Variants in DCX observed in about 807,000 individuals in gnomAD.
The protein encoded by DCX is doublecortin.
A neutral mutation model predicts 20.9 loss-of-function variants in DCX; 4 were observed. That is an observed-to-expected ratio of 0.19 (90% CI 0.09 to 0.44). The LOEUF is 0.44. Among genes scored for constraint, DCX ranks in the 20% least tolerant of loss-of-function variants. The probability of loss-of-function intolerance (pLI) is 0.99; values close to 1 mark genes in which losing one functional copy is unlikely to be tolerated. For missense variants in DCX, 133 were observed against 296.9 expected (o/e 0.45, Z 4.06); for synonymous variants, 103 against 111.4 (o/e 0.92, Z 0.47).
intron 5 of DCX, among the ~76,000 whole-genome samples, chrX:111,315,935 C>CG (rs1243408920): frequency 2.4e-5 from 1 of 42,079 alleles, no homozygotes; most frequent in Non-Finnish European, 4.0e-5. Flanking sequence ...GTGGTGGGGT[C>CG]GGGGGAGGGG....
intron 5 of DCX, among the ~76,000 whole-genome samples, chrX:111,322,036 G>A (rs2095087876): frequency 8.9e-6 from 1 of 111,982 alleles, no homozygotes. Flanking sequence ...ATGTCATTTT[G>A]AAATATTGCT....
chrX:111,388,172 T>G (rs148920946), intron 3 of DCX, among the ~76,000 whole-genome samples: 3,387 of 111,718 alleles, frequency 0.03, 144 homozygotes, highest in African/African-American at 0.11. Flanking sequence ...TCTTACAACT[T>G]TGGGGGACTA....
intron 1 of DCX, chrX:111,411,049 A>G (rs1296402350): frequency 1.1e-6 from 1 of 938,464 alleles, no homozygotes; most frequent in Non-Finnish European, 1.5e-6. Context: ...TCTCCTTTAA[A>G]GGGACAGCCT....
intron 6 of DCX, among the ~76,000 whole-genome samples, chrX:111,303,662 G>C (rs2095038895): frequency 9.0e-6 from 1 of 111,525 alleles, no homozygotes; most frequent in Non-Finnish European, 1.9e-5. Flanking sequence ...TTGAGTATTG[G>C]TTTCTTTATC....
chrX:111,382,162 A>G (rs143259819), intron 3 of DCX, among the ~76,000 whole-genome samples: 3,386 of 111,716 alleles, frequency 0.03, 145 homozygotes, highest in African/African-American at 0.1. Flanking sequence ...TGAACCACAC[A>G]TTGAGGACCA....
intron 6 of DCX, among the ~76,000 whole-genome samples, chrX:111,306,295 G>GA (rs910972433): frequency 8.2e-5 from 9 of 110,309 alleles, no homozygotes; most frequent in South Asian, 3.7e-4. Flanking sequence ...ACTGATGTCA[G>GA]AAAAAAAATA....
chrX:111,325,570 G>A (rs1023033536), intron 5 of DCX, among the ~76,000 whole-genome samples: 1 of 112,288 alleles, frequency 8.9e-6, no homozygotes, highest in Non-Finnish European at 1.9e-5. Context: ...TCTAATTCAC[G>A]TAAAAAGATT....
intron 3 of DCX, among the ~76,000 whole-genome samples, chrX:111,335,012 T>C (rs1921594158): frequency 8.9e-6 from 1 of 111,784 alleles, no homozygotes; most frequent in Admixed American, 9.4e-5. Flanking sequence ...TACCAATATC[T>C]TGGACCTTGG....
Position 111,330,912 on chromosome X carries a change from T to G in DCX, c.938A>C (p.Asp313Ala). Residue 313 changes from aspartate (D) to alanine (A), a missense_variant, in exon 5 of 7, where the codon GAC becomes GCC. Transcript: ENST00000636035. ...RSKSPADSGN[D>A]QDANGTSSSQ... ...AGGAAAAGAGCACTCACCGTCTTGG[T>G]CGTTACCTGAGTCAGCTGGAGACTT... 1 of 1,211,826 alleles carries G rather than the reference T, an allele frequency of 8.3e-7. No homozygotes were observed. The highest frequency in any genetic ancestry group is 1.1e-6 in the Non-Finnish European group (1 of 895,418).
chrX:111,324,967 T>A (rs2095096190), intron 5 of DCX, among the ~76,000 whole-genome samples: 1 of 111,632 alleles, frequency 9.0e-6, no homozygotes, highest in Non-Finnish European at 1.9e-5. Context: ...CTTGCTCCAA[T>A]CATTTTCTAA....
At chrX:111,379,917 T>A (rs1360533730) in intron 3 of DCX, among the ~76,000 whole-genome samples, 1 of 111,593 alleles carries the variant, frequency 9.0e-6, no homozygotes, top group Non-Finnish European at 1.9e-5. Flanking sequence ...TGGTATCTCA[T>A]TGTAGTCTCG....
intron 1 of DCX, 124 bp from the exon 2 acceptor site, chrX:111,410,544 A>G: frequency 9.8e-7 from 1 of 1,017,172 alleles, no homozygotes; most frequent in African/African-American, 1.9e-5. Flanking sequence ...GCTTGTGAAA[A>G]GAACTGGTTG....
At chrX:111,358,663 A>G (rs1011398325) in intron 3 of DCX, among the ~76,000 whole-genome samples, 4 of 112,108 alleles carry the variant, frequency 3.6e-5, no homozygotes, top group Non-Finnish European at 7.5e-5. Context: ...AGTTTCCAAA[A>G]CAGAAGAAAA....
intron 3 of DCX, among the ~76,000 whole-genome samples, chrX:111,351,636 A>G (rs143952562): frequency 5.3e-5 from 6 of 112,196 alleles, no homozygotes; most frequent in African/African-American, 1.9e-4. Flanking sequence ...TAGGTATGAA[A>G]AAGCATTTGG....
rs2095025314 is a variant in DCX at position 111,297,966 on chromosome X, G to C, written c.*3721C>G. On this transcript the variant is annotated 3_prime_UTR_variant, in exon 7 of 7. Transcript: ENST00000636035. Reference sequence around the variant, plus strand: ...TTGTGGATGAGGGCAACCACAGTGAGACCAGGTTATTTTCTCTAGCTCATC... The same window carrying C: ...TTGTGGATGAGGGCAACCACAGTGACACCAGGTTATTTTCTCTAGCTCATC... 1 of 111,641 alleles carries C rather than the reference G, an allele frequency of 9.0e-6. No homozygotes were observed. The highest frequency in any genetic ancestry group is 1.9e-5 in the Non-Finnish European group (1 of 53,153). The allele number at this position is 111,641 out of a possible 1,213,427, so 9.2% of individuals were successfully genotyped here. A position where few individuals can be genotyped will look rare whatever the true frequency, so the allele number is the denominator to read the frequency against.
At chrX:111,369,747 T>C (rs1355228873) in intron 3 of DCX, among the ~76,000 whole-genome samples, 1 of 111,830 alleles carries the variant, frequency 8.9e-6, no homozygotes. Flanking sequence ...TAATTGATCT[T>C]GCTGCCATCC....
intron 3 of DCX, among the ~76,000 whole-genome samples, chrX:111,363,630 C>T (rs773930618): frequency 3.6e-5 from 4 of 110,868 alleles, no homozygotes; most frequent in Non-Finnish European, 7.6e-5. Context: ...CTACAAACCT[C>T]CTAGTTTCAA....
Position 111,301,430 on chromosome X carries a change from T to G in DCX, c.*257A>C. ...CATTGAAAGGTCATGGACTAGCACA[T>G]TTTGCATCCCTGGAATGCTGCCCCA... On this transcript the variant is annotated 3_prime_UTR_variant, in exon 7 of 7. Coordinates refer to ENST00000636035, the MANE Select transcript of DCX (RefSeq NM_001195553.2). 2.4e-6 allele frequency: 1 copy of G among 419,495 alleles called. No individual in the cohort carries two copies. Among genetic ancestry groups the G allele is most frequent in the African/African-American group, 2.5e-5 (1 of 40,564 alleles). 34.6% of individuals were successfully genotyped at this position (419,495 alleles called of 1,213,427 possible). A position where few individuals can be genotyped will look rare whatever the true frequency, so the allele number is the denominator to read the frequency against.
chrX:111,384,668 G>A (rs1926242429), intron 3 of DCX, among the ~76,000 whole-genome samples: 1 of 111,913 alleles, frequency 8.9e-6, no homozygotes, highest in African/African-American at 3.2e-5. Flanking sequence ...TATTAAGAAA[G>A]TCACTAAAAA....
Sources: gnomAD v4.1 joint callset for allele counts (sites outside exome capture counted in the v4.1 genomes callset) on GRCh38, gnomAD v4.1.1 for gene constraint, MANE v1.5 for transcripts, NCBI Gene and HGNC (gene_info 2026-07-23, HGNC 2026-07-21) for gene names.